ABCB1: variants seen among roughly 807,000 people sequenced by gnomAD.
The protein encoded by ABCB1 is ATP-dependent translocase ABCB1.
ABCB1 carries 69 observed loss-of-function variants against 142.0 expected under a neutral mutation model. The observed-to-expected ratio is 0.49, with a 90% CI of 0.40 to 0.59. The LOEUF is 0.59. Ranked by LOEUF, ABCB1 falls within the 20% of genes least tolerant of loss-of-function variation. ABCB1 has a pLI of 0.00. For missense variants in ABCB1, 1,326 were observed against 1,554.7 expected, an observed-to-expected ratio of 0.85 and a Z score of 2.47; for synonymous variants, 532 against 539.2, an observed-to-expected ratio of 0.99 and a Z score of 0.18.
chr7:87,619,789 C>G (rs777014016), intron 1 of ABCB1, among the ~76,000 whole-genome samples: 2 of 151,274 alleles, frequency 1.3e-5, no homozygotes, highest in African/African-American at 4.9e-5. Flanking sequence ...TATGAATAAA[C>G]TGACCTTGAG....
intron 22 of ABCB1, 112 bp downstream of exon 22, chr7:87,520,664 G>T: frequency 2.2e-6 from 2 of 909,682 alleles, no homozygotes; most frequent in South Asian, 1.3e-5. Flanking sequence ...GTTTACCTTC[G>T]AGCACTTTCT....
At chr7:87,508,284 TCACAGTCAAAA>T (rs1034243853) in intron 26 of ABCB1, among the ~76,000 whole-genome samples, 1 of 152,184 alleles carries the variant, frequency 6.6e-6, no homozygotes, top group Admixed American at 6.5e-5. Flanking sequence ...ATGTGACAGG[TCACAGTCAAAA>T]CACAGTCAAA....
chr7:87,508,958 G>A (rs904571487), intron 26 of ABCB1, among the ~76,000 whole-genome samples: 47 of 152,190 alleles, frequency 3.1e-4, no homozygotes, highest in African/African-American at 1.1e-3. Context: ...CCCTAAGGCT[G>A]ACAAAGGTGG....
rs748800581 is a variant in ABCB1 at position 87,515,369 on chromosome 7, C to T, written c.3144G>A (p.Pro1048=). ...TCAGTCCCTGAAGCACTGGGATGTC[C>T]GGTCGGGTGGGATAGTTGAATACAA... is the stretch of plus-strand genomic sequence containing the variant. ...GEVVFNYPTR[P]DIPVLQGLSL... is the part of the protein sequence containing the mutation. Residue 1048 remains proline, a synonymous_variant, in exon 25 of 28, where the codon CCG becomes CCA. Coordinates refer to ENST00000622132, the MANE Select transcript of ABCB1 (RefSeq NM_001348946.2). 7 of 1,613,982 alleles carry T rather than the reference C, an allele frequency of 4.3e-6. No homozygotes were observed. Among genetic ancestry groups the T allele is most frequent in the South Asian group, 2.2e-5 (2 of 91,088 alleles).
At chr7:87,698,645 AT>A (rs1430777450) in intron 1 of ABCB1, among the ~76,000 whole-genome samples, 1 of 152,148 alleles carries the variant, frequency 6.6e-6, no homozygotes, top group African/African-American at 2.4e-5. Flanking sequence ...TATAAATTTA[AT>A]TTTTCAACAA....
At chr7:87,641,029 T>G (rs921706453) in intron 1 of ABCB1, among the ~76,000 whole-genome samples, 1 of 152,188 alleles carries the variant, frequency 6.6e-6, no homozygotes, top group African/African-American at 2.4e-5. Context: ...TTTTATGGTC[T>G]GCTTTTTCTC....
intron 21 of ABCB1, 72 bp from the exon 22 acceptor site, chr7:87,520,948 C>T (rs1023645016): frequency 2.7e-6 from 3 of 1,117,768 alleles, no homozygotes; most frequent in Non-Finnish European, 4.1e-6. Flanking sequence ...TTCTATAAAA[C>T]AGACTAATGA....
intron 1 of ABCB1, among the ~76,000 whole-genome samples, chr7:87,711,495 A>G (rs531071622): frequency 6.6e-6 from 1 of 152,180 alleles, no homozygotes; most frequent in East Asian, 1.9e-4. Flanking sequence ...TTATGATGGT[A>G]GAAAAGGGTA....
chr7:87,537,477 A>G (rs1816350658), intron 19 of ABCB1, among the ~76,000 whole-genome samples: 1 of 152,234 alleles, frequency 6.6e-6, no homozygotes, highest in African/African-American at 2.4e-5. Context: ...ATGTTAACAG[A>G]AAGAGAAGAG....
At chr7:87,546,928 A>C (rs1816808478) in intron 14 of ABCB1, among the ~76,000 whole-genome samples, 1 of 152,254 alleles carries the variant, frequency 6.6e-6, no homozygotes, top group Non-Finnish European at 1.5e-5. Flanking sequence ...GTGATGACTA[A>C]ATAAAATAAA....
At chr7:87,660,606 ATGGC>A (rs1478702468) in intron 1 of ABCB1, among the ~76,000 whole-genome samples, 5 of 152,046 alleles carry the variant, frequency 3.3e-5, no homozygotes, top group Middle Eastern at 3.5e-3. Context: ...TAACTAATTT[ATGGC>A]TTTGCTGATC....
chr7:87,505,233 G>A (rs1335295721), intron 27 of ABCB1, among the ~76,000 whole-genome samples: 1 of 152,148 alleles, frequency 6.6e-6, no homozygotes, highest in African/African-American at 2.4e-5. Flanking sequence ...CCAAAGTGTT[G>A]GGGTTACAGG....
chr7:87,607,092 C>A (rs763158631), intron 1 of ABCB1, among the ~76,000 whole-genome samples: 6 of 152,094 alleles, frequency 3.9e-5, no homozygotes, highest in African/African-American at 7.2e-5. Flanking sequence ...GATAGAGATT[C>A]TCCTTAAGTA....
intron 1 of ABCB1, among the ~76,000 whole-genome samples, chr7:87,710,350 G>A (rs1829965642): frequency 6.8e-6 from 1 of 147,542 alleles, no homozygotes; most frequent in African/African-American, 2.4e-5. Context: ...AGGATAGAAA[G>A]TTAGTTTGAC....
At chr7:87,630,691 T>C (rs1821125722) in intron 1 of ABCB1, among the ~76,000 whole-genome samples, 1 of 151,354 alleles carries the variant, frequency 6.6e-6, no homozygotes, top group South Asian at 2.1e-4. Flanking sequence ...GCTTAGTCTT[T>C]TTTTTTTTTT....
chr7:87,690,547 C>T (rs535268334), intron 1 of ABCB1, among the ~76,000 whole-genome samples: 1 of 152,054 alleles, frequency 6.6e-6, no homozygotes, highest in African/African-American at 2.4e-5. Context: ...ATATATAGTA[C>T]TACATTTTAA....
At chr7:87,628,989 T>C in intron 1 of ABCB1, 1 of 1,301,460 alleles carries the variant, frequency 7.7e-7, no homozygotes, top group South Asian at 3.4e-5. Flanking sequence ...CCGCCGGGGC[T>C]GAGAGCTCTG....
At chr7:87,702,805 A>C (rs1475102633) in intron 1 of ABCB1, among the ~76,000 whole-genome samples, 1 of 152,174 alleles carries the variant, frequency 6.6e-6, no homozygotes, top group African/African-American at 2.4e-5. Context: ...ATGATGTTCA[A>C]AGAAAATGCT....
At chr7:87,588,423 A>T (rs1818853506) in intron 3 of ABCB1, among the ~76,000 whole-genome samples, 1 of 152,152 alleles carries the variant, frequency 6.6e-6, no homozygotes, top group Admixed American at 6.5e-5. Flanking sequence ...TTTAAGTGAG[A>T]ACATGTGGTG....
Sources: gnomAD v4.1 joint callset for allele counts (sites outside exome capture counted in the v4.1 genomes callset) on GRCh38, gnomAD v4.1.1 for gene constraint, MANE v1.5 for transcripts, NCBI Gene and HGNC (gene_info 2026-07-23, HGNC 2026-07-21) for gene names.